Variants in NEDD9 observed in about 807,000 individuals in gnomAD.
NEDD9 encodes neural precursor cell expressed, developmentally down-regulated 9.
In NEDD9, 26 loss-of-function variants were observed where a neutral mutation model predicts 76.6. The ratio of observed to expected loss-of-function variants is 0.34; its 90% CI spans 0.25 to 0.47. The LOEUF (loss-of-function observed/expected upper bound fraction) is 0.47, where lower values mean the gene tolerates loss of function less well. NEDD9 is among the 20% of genes least tolerant of loss of function. The pLI is 1.00. For synonymous variants in NEDD9, 392 were observed against 414.2 expected (o/e 0.95, Z 0.65); for missense variants, 937 against 1,058.5 (o/e 0.89, Z 1.59).
In NEDD9 at chr6:11,254,096, G is replaced by A. The variant is rs140187000; in HGVS notation, c.13-40369C>T. Among the ~76,000 whole-genome samples, 42 of 152,228 alleles carry A rather than the reference G, an allele frequency of 2.8e-4. No homozygotes were observed. The East Asian group carries it at 7.5e-3, about 27-fold the overall frequency. ...ATTTGGGTTATATTTGTGCAAAAAT[G>A]TATTTGTTGTTTATCTGAAACTTTT... On this transcript the variant is annotated intron_variant, in intron 3 of 3. Coordinates refer to the NEDD9 transcript ENST00000397378.
intron 1 of NEDD9, among the ~76,000 whole-genome samples, chr6:11,342,178 A>G (rs1362321323): frequency 6.6e-6 from 1 of 152,160 alleles, no homozygotes; most frequent in Non-Finnish European, 1.5e-5. Flanking sequence ...AAAAATGAAC[A>G]AAGGGTCAAA....
intron 2 of NEDD9, among the ~76,000 whole-genome samples, chr6:11,317,003 A>C (rs1221882119): frequency 1.3e-5 from 2 of 152,190 alleles, no homozygotes; most frequent in Non-Finnish European, 1.5e-5. Context: ...TGGGGAGAGA[A>C]TCTGTAAGCA....
chr6:11,304,027 C>T (rs1761118620), intron 3 of NEDD9, among the ~76,000 whole-genome samples: 1 of 152,152 alleles, frequency 6.6e-6, no homozygotes, highest in African/African-American at 2.4e-5. Flanking sequence ...AGGCAGCCTA[C>T]AGAATGGGAG....
chr6:11,284,807 A>C lies in NEDD9; in HGVS notation c.12+21185T>G, dbSNP rs1760613903. ...TTTATATATTAATATAATAAATATA[A>C]TATAAAACTTGCTAAGATTTATATA... is the stretch of plus-strand genomic sequence containing the variant. On this transcript the variant is annotated intron_variant, in intron 3 of 3. Transcript: ENST00000397378. Among the ~76,000 whole-genome samples, 3 of 150,180 alleles carry C rather than the reference A, an allele frequency of 2.0e-5. No individual in the cohort carries two copies. The South Asian group carries it at 6.3e-4, about 31-fold the overall frequency.
intron 1 of NEDD9, among the ~76,000 whole-genome samples, chr6:11,371,671 G>A (rs1377602931): frequency 6.6e-6 from 1 of 152,188 alleles, no homozygotes; most frequent in Non-Finnish European, 1.5e-5. Flanking sequence ...GTAGATAACA[G>A]GTGAGAAATC....
At chr6:11,208,351 AC>A (rs979645246) in intron 2 of NEDD9, among the ~76,000 whole-genome samples, 17 of 152,198 alleles carry the variant, frequency 1.1e-4, no homozygotes, top group Non-Finnish European at 2.1e-4. Flanking sequence ...AGTTACCCTT[AC>A]AGGACACAGG....
At chr6:11,262,759 C>T (rs932514299) in intron 3 of NEDD9, among the ~76,000 whole-genome samples, 2 of 152,214 alleles carry the variant, frequency 1.3e-5, no homozygotes, top group Admixed American at 6.5e-5. Flanking sequence ...CAGTTAAATA[C>T]ATGGAAAATG....
intron 3 of NEDD9, among the ~76,000 whole-genome samples, chr6:11,247,835 T>C (rs1203514286): frequency 6.6e-6 from 1 of 152,128 alleles, no homozygotes; most frequent in Non-Finnish European, 1.5e-5. Flanking sequence ...CAAAAAATGG[T>C]AATAAAATAG....
intron 1 of NEDD9, among the ~76,000 whole-genome samples, chr6:11,227,018 G>A (rs572339148): frequency 6.6e-6 from 1 of 152,252 alleles, no homozygotes; most frequent in South Asian, 2.1e-4. Context: ...ATGCCATATA[G>A]TATTAAGATC....
At chr6:11,225,099 G>GC (rs1581968529) in intron 1 of NEDD9, among the ~76,000 whole-genome samples, 1 of 151,766 alleles carries the variant, frequency 6.6e-6, no homozygotes, top group South Asian at 2.1e-4. Flanking sequence ...TCCATCCACC[G>GC]CCCCCCTGCC....
intron 3 of NEDD9, among the ~76,000 whole-genome samples, chr6:11,296,621 TCTTTCTTC>T (rs1402551630): frequency 1.4e-5 from 2 of 147,392 alleles, no homozygotes; most frequent in African/African-American, 5.2e-5. Flanking sequence ...TTCCTTCCTT[TCTTTCTTC>T]CTTCCTTCCT....
At chr6:11,345,108 G>A (rs970444855) in intron 1 of NEDD9, among the ~76,000 whole-genome samples, 5 of 152,164 alleles carry the variant, frequency 3.3e-5, no homozygotes, top group Admixed American at 6.5e-5. Flanking sequence ...AAGAGGGACC[G>A]GGGTGAGGCA....
intron 3 of NEDD9, among the ~76,000 whole-genome samples, chr6:11,248,529 A>G (rs1281715720): frequency 2.0e-5 from 3 of 152,250 alleles, no homozygotes; most frequent in African/African-American, 7.2e-5. Context: ...GATGTTGTAC[A>G]GAAAACGGCA....
chr6:11,256,449 C>T (rs141415381), intron 3 of NEDD9, among the ~76,000 whole-genome samples: 73 of 152,256 alleles, frequency 4.8e-4, no homozygotes, highest in African/African-American at 1.5e-3. Flanking sequence ...TACCAAGAAG[C>T]GTAGGTGGTA....
intron 2 of NEDD9, among the ~76,000 whole-genome samples, chr6:11,211,685 T>C (rs1287311945): frequency 6.6e-6 from 1 of 152,218 alleles, no homozygotes; most frequent in African/African-American, 2.4e-5. Context: ...CTAGGCAGCA[T>C]CGTTGTCGTG....
At chr6:11,372,690 T>G (rs941649283) in intron 1 of NEDD9, among the ~76,000 whole-genome samples, 1 of 152,234 alleles carries the variant, frequency 6.6e-6, no homozygotes, top group African/African-American at 2.4e-5. Context: ...ATAAGCCATT[T>G]TAACTGTGGT....
Position 11,191,123 on chromosome 6 carries a change from T to C in NEDD9, c.746A>G (p.Gln249Arg). 1 of 1,613,880 alleles carries C rather than the reference T, an allele frequency of 6.2e-7. No homozygotes were observed. Among genetic ancestry groups the C allele is most frequent in the Admixed American group, 1.7e-5 (1 of 60,002 alleles). The change falls in exon 5 of 7, where the codon CAA becomes CGA. Residue 249 changes from glutamine to arginine, a missense_variant. Physicochemically the swap from Gln to Arg is conservative, Grantham distance 43 (BLOSUM62 1). Transcript: ENST00000379446. ...CGGTCTGAGGTCCGGCCTTCCAGCT[T>C]GTCTCATGGGAGGGGGGAAGTCATA... is the stretch of plus-strand genomic sequence containing the variant. The part of the protein sequence containing the change: ...KDYDFPPPMR[Q>R]AGRPDLRPEG...
At chr6:11,265,466 G>A (rs986283116) in intron 3 of NEDD9, among the ~76,000 whole-genome samples, 3 of 152,300 alleles carry the variant, frequency 2.0e-5, no homozygotes, top group Non-Finnish European at 4.4e-5. Context: ...TATGCTTAAA[G>A]TTTTCCAGCA....
chr6:11,225,983 C>T (rs532726436), intron 1 of NEDD9, among the ~76,000 whole-genome samples: 26 of 152,200 alleles, frequency 1.7e-4, no homozygotes, highest in African/African-American at 4.6e-4. Context: ...CTGGAGTGCC[C>T]GTTCTATCTT....
Sources: allele counts gnomAD v4.1 joint callset (sites outside exome capture counted in the v4.1 genomes callset), GRCh38; gene constraint gnomAD v4.1.1; transcripts MANE v1.5; gene names NCBI Gene and HGNC (gene_info 2026-07-23, HGNC 2026-07-21).